Variants in ATG13 observed in about 807,000 individuals in gnomAD.
The protein encoded by ATG13 is autophagy related 13, also known as autophagy-related protein 13.
Under a neutral mutation model 65.5 loss-of-function variants are expected in ATG13, and 23 were observed. The ratio of observed to expected loss-of-function variants is 0.35; its 90% confidence interval spans 0.25 to 0.50. The LOEUF (loss-of-function observed/expected upper bound fraction) is 0.50. Ranked by LOEUF, ATG13 falls within the 20% of genes least tolerant of loss-of-function variation. The pLI, the probability that ATG13 is intolerant of heterozygous loss-of-function variation, is 0.98. For synonymous variants in ATG13, 252 were observed against 245.2 expected (o/e 1.03, Z -0.26); for missense variants, 566 against 677.0 (o/e 0.84, Z 1.82).
At chr11:46,667,622 G>T in intron 14 of ATG13, 151 bp from the exon 15 acceptor site, 1 of 511,082 alleles carries the variant, frequency 2.0e-6, no homozygotes, top group Non-Finnish European at 3.5e-6. Flanking sequence ...AGTGGCATCA[G>T]CCAGACCACA....
intron 2 of ATG13, among the ~76,000 whole-genome samples, chr11:46,636,800 G>A (rs1039339928): frequency 4.6e-5 from 7 of 151,666 alleles, no homozygotes; most frequent in Non-Finnish European, 8.8e-5. Context: ...TTTTGAGGTG[G>A]AGTCTCATTC....
chr11:46,640,766 G>C (rs768531573), intron 2 of ATG13, among the ~76,000 whole-genome samples: 55 of 152,212 alleles, frequency 3.6e-4, no homozygotes, highest in African/African-American at 1.2e-3. Flanking sequence ...GATTAGATGA[G>C]ATACTACCAG....
At chr11:46,663,967 T>TTAAC in intron 11 of ATG13, 30 bp from the exon 12 acceptor site, 2 of 1,239,588 alleles carry the variant, frequency 1.6e-6, no homozygotes, top group Non-Finnish European at 2.2e-6. Context: ...TTTTTTTGTT[T>TTAAC]CTCCTGTCTC....
intron 2 of ATG13, among the ~76,000 whole-genome samples, chr11:46,642,163 C>T (rs1018257935): frequency 1.3e-5 from 2 of 152,044 alleles, no homozygotes; most frequent in African/African-American, 4.8e-5. Flanking sequence ...AAATCTTTTC[C>T]CAGTCTGGCT....
intron 10 of ATG13, 54 bp downstream of exon 10, chr11:46,657,676 T>C: frequency 6.9e-7 from 1 of 1,445,384 alleles, no homozygotes; most frequent in South Asian, 1.3e-5. Context: ...GAAGCATCCA[T>C]CCTGCACAAG....
At chr11:46,619,372 C>CTTTTTT (rs746642470) in intron 1 of ATG13, among the ~76,000 whole-genome samples, 363 of 35,330 alleles carry the variant, frequency 0.01, 101 homozygotes, top group African/African-American at 0.023. Flanking sequence ...AGATTTCTTG[C>CTTTTTT]TTTTTTTTTT....
rs141970718 is a variant in ATG13, at chr11:46,656,218, T to G, written c.459-15T>G. On this transcript the variant is annotated splice_polypyrimidine_tract_variant and intron_variant, in intron 7 of 18. Coordinates refer to ENST00000683050, the MANE Select transcript of ATG13 (RefSeq NM_001346311.2). Reference sequence around the variant, plus strand: ...AAAGAATCAGGTAACATTTCTTATTTTTTCTTCCATACAGGATATATTTTG... The same window carrying G: ...AAAGAATCAGGTAACATTTCTTATTGTTTCTTCCATACAGGATATATTTTG... The G allele has an allele frequency of 4.3e-6, 7 of 1,610,164 alleles. No individual in the cohort carries two copies. In the African/African-American group the frequency reaches 9.3e-5, roughly 21 times the overall value.
At chr11:46,666,745 G>A (rs2062449907) in intron 14 of ATG13, among the ~76,000 whole-genome samples, 1 of 152,144 alleles carries the variant, frequency 6.6e-6, no homozygotes, top group Non-Finnish European at 1.5e-5. Flanking sequence ...TCTCCCTGGG[G>A]AGCCATGGGC....
At chr11:46,664,180 T>C (rs2061785341) in intron 12 of ATG13, 85 bp downstream of exon 12, 3 of 1,064,736 alleles carry the variant, frequency 2.8e-6, no homozygotes, top group South Asian at 1.5e-5. Context: ...GGTACAGTTA[T>C]TTAAATGTCC....
chr11:46,657,468 T>C (rs1185655514), intron 9 of ATG13, 56 bp from the exon 10 acceptor site: 1 of 1,542,034 alleles, frequency 6.5e-7, no homozygotes, highest in Non-Finnish European at 9.0e-7. Flanking sequence ...CTGAGGACTT[T>C]GTGGGGGCTG....
intron 1 of ATG13, among the ~76,000 whole-genome samples, chr11:46,627,597 A>C (rs893000705): frequency 5.9e-5 from 9 of 151,694 alleles, no homozygotes; most frequent in Non-Finnish European, 1.3e-4. Context: ...CAGCCTCCCA[A>C]GTAGCTGGGA....
intron 2 of ATG13, among the ~76,000 whole-genome samples, chr11:46,639,767 C>T (rs911099702): frequency 4.0e-5 from 6 of 150,946 alleles, no homozygotes; most frequent in Admixed American, 3.3e-4. Context: ...AAGCTATATT[C>T]TTACACTGGT....
intron 2 of ATG13, among the ~76,000 whole-genome samples, chr11:46,637,325 T>A (rs2054303260): frequency 6.6e-6 from 1 of 152,232 alleles, no homozygotes; most frequent in South Asian, 2.1e-4. Context: ...ACAAAATGTT[T>A]CTACAAGAAA....
chr11:46,635,871 T>C (rs78340051), intron 2 of ATG13, among the ~76,000 whole-genome samples: 2,840 of 152,308 alleles, frequency 0.019, 95 homozygotes, highest in African/African-American at 0.065. Flanking sequence ...GTAGATAATC[T>C]GATGGTGATA....
intron 2 of ATG13, among the ~76,000 whole-genome samples, chr11:46,642,609 G>C (rs976769094): frequency 1.3e-5 from 2 of 152,108 alleles, no homozygotes; most frequent in African/African-American, 4.8e-5. Context: ...CTGGCCTTCA[G>C]CTTTTCCTTT....
chr11:46,654,920 G>A (rs538385073), intron 7 of ATG13, among the ~76,000 whole-genome samples: 6 of 151,234 alleles, frequency 4.0e-5, no homozygotes, highest in Admixed American at 2.6e-4. Flanking sequence ...GCAATGTGGC[G>A]AAACCCTGTC....
rs766494835 is a variant in ATG13, at chr11:46,664,890, C to T, written c.930C>T (p.Gly310=). The T allele has an allele frequency of 8.1e-6, 13 of 1,613,850 alleles. No homozygotes were observed. The highest frequency in any genetic ancestry group is 1.6e-4 in the Middle Eastern group (1 of 6,084). The change falls in exon 13 of 19, where the codon GGC becomes GGT. Residue 310 remains glycine (G), a synonymous_variant. Coordinates refer to ENST00000683050, the MANE Select transcript of ATG13 (RefSeq NM_001346311.2). ...SRLSYQPAAL[G]VGSADLAYPV... ...TTTCCTATCAGCCTGCTGCCCTGGGCGTTGGATCAGCTGACCTGGCTTATC... is the reference window on the plus strand; with the variant it reads ...TTTCCTATCAGCCTGCTGCCCTGGGTGTTGGATCAGCTGACCTGGCTTATC...
At chr11:46,644,187 T>G in intron 2 of ATG13, 92 bp from the exon 3 acceptor site, 1 of 963,624 alleles carries the variant, frequency 1.0e-6, no homozygotes, top group Non-Finnish European at 1.5e-6. Flanking sequence ...TGATTATTCC[T>G]AGGCTAGTAG....
At chr11:46,647,293 G>GTT (rs1174804865) in intron 5 of ATG13, among the ~76,000 whole-genome samples, 7 of 108,892 alleles carry the variant, frequency 6.4e-5, no homozygotes, top group African/African-American at 1.7e-4. Flanking sequence ...TTTTTTTTTT[G>GTT]TTTTTTTTTT....
Sources: gnomAD v4.1 joint callset for allele counts (sites outside exome capture counted in the v4.1 genomes callset) on GRCh38, gnomAD v4.1.1 for gene constraint, MANE v1.5 for transcripts, NCBI Gene and HGNC (gene_info 2026-07-23, HGNC 2026-07-21) for gene names.